Variants in SGMS2 observed in about 807,000 individuals in gnomAD.
The protein encoded by SGMS2 is sphingomyelin synthase 2.
Under a neutral mutation model 43.8 loss-of-function variants are expected in SGMS2, and 21 were observed. The ratio of observed to expected loss-of-function variants is 0.48; its 90% confidence interval spans 0.34 to 0.69. SGMS2 has a LOEUF of 0.69. Among genes scored for constraint, SGMS2 ranks in the 30% least tolerant of loss-of-function variants. SGMS2 has a pLI of 0.01. For synonymous variants in SGMS2, 167 were observed against 160.6 expected (o/e 1.04, Z -0.30); for missense variants, 384 against 443.2 (o/e 0.87, Z 1.20).
chr4:107,870,646 C>T (rs1218399305), intron 2 of SGMS2, among the ~76,000 whole-genome samples: 1 of 152,034 alleles, frequency 6.6e-6, no homozygotes, highest in East Asian at 1.9e-4. Context: ...TTTTTGGTTT[C>T]GTTTGGTTTG....
chr4:107,827,878 C>T (rs927156531), intron 1 of SGMS2, among the ~76,000 whole-genome samples: 3 of 152,004 alleles, frequency 2.0e-5, no homozygotes, highest in East Asian at 1.9e-4. Flanking sequence ...CCCAGATACT[C>T]GGGAGGCTGA....
intron 1 of SGMS2, among the ~76,000 whole-genome samples, chr4:107,838,572 A>C (rs1314413388): frequency 6.6e-6 from 1 of 152,326 alleles, no homozygotes; most frequent in African/African-American, 2.4e-5. Flanking sequence ...GTGTAATTCT[A>C]GTACAATATC....
chr4:107,911,655 A>G lies in SGMS2; in HGVS notation c.*1102A>G, dbSNP rs1317161021. 6.6e-6 allele frequency: 1 copy of G among 152,216 alleles called. No homozygotes were observed. The highest frequency in any genetic ancestry group is 2.4e-5 in the African/African-American group (1 of 41,452). 9.4% of individuals were successfully genotyped at this position (152,216 alleles called of 1,614,324 possible). ...CAGTTTCTTATAACTAGTCCTAAGG[A>G]CATATGCCGCAATTGAGTAATTTTA... On this transcript the variant is annotated 3_prime_UTR_variant, in exon 7 of 7. Coordinates refer to ENST00000690982, the MANE Select transcript of SGMS2 (RefSeq NM_001375905.1).
chr4:107,895,988 G>C lies in SGMS2; in HGVS notation c.435G>C (p.Gln145His). The C allele has an allele frequency of 6.2e-7, 1 of 1,610,924 alleles. No homozygotes were observed. Among genetic ancestry groups the C allele is most frequent in the Non-Finnish European group, 8.5e-7 (1 of 1,177,662 alleles). The change falls in exon 3 of 7, where the codon CAG becomes CAC. Residue 145 changes from glutamine (Q) to histidine (H), a missense_variant. Coordinates refer to ENST00000690982, the MANE Select transcript of SGMS2 (RefSeq NM_001375905.1). ...GIILVGLWIT[Q>H]WLFLRYKSIV... ...TATTAGTTGGATTATGGATCACCCAGTGGCTGTTTCTGAGATACAAGTAAG... is the reference window on the plus strand; with the variant it reads ...TATTAGTTGGATTATGGATCACCCACTGGCTGTTTCTGAGATACAAGTAAG...
intron 1 of SGMS2, among the ~76,000 whole-genome samples, chr4:107,851,225 C>G (rs528897137): frequency 6.6e-6 from 1 of 152,232 alleles, no homozygotes; most frequent in Admixed American, 6.5e-5. Flanking sequence ...TCATGGTACA[C>G]CTGGTGGAAG....
intron 1 of SGMS2, among the ~76,000 whole-genome samples, chr4:107,853,771 C>A (rs1432057251): frequency 6.6e-6 from 1 of 152,096 alleles, no homozygotes; most frequent in Non-Finnish European, 1.5e-5. Flanking sequence ...TGGAAAGAGA[C>A]AAGTAAATCT....
chr4:107,914,993 T>C lies in SGMS2; in HGVS notation c.*4440T>C, dbSNP rs932441730. 1.3e-5 allele frequency: 2 copies of C among 152,208 alleles called. No individual in the cohort carries two copies. Among genetic ancestry groups the C allele is most frequent in the African/African-American group, 4.8e-5 (2 of 41,466 alleles). The allele number at this position is 152,208 out of a possible 1,614,324, so 9.4% of individuals were successfully genotyped here. A position where few individuals can be genotyped will look rare whatever the true frequency, so the allele number is the denominator to read the frequency against. Reference sequence around the variant, plus strand: ...GCTTTTTAAAAAATGCAAGAGCCTATACTTTGTATTTACCTAATAAACCAC... The same window carrying C: ...GCTTTTTAAAAAATGCAAGAGCCTACACTTTGTATTTACCTAATAAACCAC... On this transcript the variant is annotated 3_prime_UTR_variant, in exon 7 of 7. Coordinates refer to ENST00000690982, the MANE Select transcript of SGMS2 (RefSeq NM_001375905.1).
At chr4:107,870,142 GC>G (rs942161891) in intron 2 of SGMS2, among the ~76,000 whole-genome samples, 4 of 152,082 alleles carry the variant, frequency 2.6e-5, no homozygotes, top group African/African-American at 9.7e-5. Context: ...AACTATATCA[GC>G]CTTTTATTTA....
intron 2 of SGMS2, among the ~76,000 whole-genome samples, chr4:107,872,787 A>G (rs1224393048): frequency 6.6e-6 from 1 of 152,216 alleles, no homozygotes; most frequent in Non-Finnish European, 1.5e-5. Context: ...TGTTCCATGT[A>G]GTATCACCCT....
In SGMS2 at chr4:107,912,164, A is replaced by G. The variant is rs1251109265; in HGVS notation, c.*1611A>G. On this transcript the variant is annotated 3_prime_UTR_variant, in exon 7 of 7. Coordinates refer to ENST00000690982, the MANE Select transcript of SGMS2 (RefSeq NM_001375905.1). ...CAATGCAAATCGTTCAGAAGGGTCA[A>G]CATCCTTTGGTGCTAAAATCTTGTG... 6.6e-6 allele frequency: 1 copy of G among 152,206 alleles called. No homozygotes were observed. The highest frequency in any genetic ancestry group is 1.5e-5 in the Non-Finnish European group (1 of 68,042). The allele number at this position is 152,206 out of a possible 1,614,324, so 9.4% of individuals were successfully genotyped here. A position where few individuals can be genotyped will look rare whatever the true frequency, so the allele number is the denominator to read the frequency against.
At chr4:107,827,095 CAGTG>C (rs1047122627) in intron 1 of SGMS2, among the ~76,000 whole-genome samples, 54 of 152,106 alleles carry the variant, frequency 3.6e-4, no homozygotes, top group African/African-American at 1.2e-3. Flanking sequence ...AATGGAGTAT[CAGTG>C]AGAACTTTTT....
chr4:107,841,687 AG>A, intron 1 of SGMS2, among the ~76,000 whole-genome samples: 1 of 152,012 alleles, frequency 6.6e-6, no homozygotes, highest in East Asian at 1.9e-4. Flanking sequence ...TTTAAGAGAC[AG>A]GGTCTCACTA....
At chr4:107,910,178 G>T (rs1731996196) in intron 6 of SGMS2, among the ~76,000 whole-genome samples, 172 bp from the exon 7 acceptor site, 1 of 152,146 alleles carries the variant, frequency 6.6e-6, no homozygotes, top group African/African-American at 2.4e-5. Context: ...ACCTAGGTGT[G>T]TTAGGGGAGC....
chr4:107,833,934 GCA>G (rs1726032111), intron 1 of SGMS2, among the ~76,000 whole-genome samples: 1 of 152,216 alleles, frequency 6.6e-6, no homozygotes, highest in Non-Finnish European at 1.5e-5. Flanking sequence ...GCCAAGGAAT[GCA>G]CACAGTCTCC....
In SGMS2 at chr4:107,838,171, C is replaced by T. The variant is rs561597267; in HGVS notation, c.-327+12918C>T. On this transcript the variant is annotated intron_variant, in intron 1 of 6. Transcript: ENST00000690982. ...TAACCAATGAGGAGGACCGAAAGAACAATGTCCCAGATGCTACAGGAACCA... is the reference window on the plus strand; with the variant it reads ...TAACCAATGAGGAGGACCGAAAGAATAATGTCCCAGATGCTACAGGAACCA... 3.9e-5 allele frequency among the ~76,000 whole-genome samples: 6 copies of T among 152,260 alleles called. No homozygotes were observed. The South Asian group carries it at 8.3e-4, about 21-fold the overall frequency.
At chr4:107,896,547 G>C (rs146784323) in intron 3 of SGMS2, among the ~76,000 whole-genome samples, 4 of 152,182 alleles carry the variant, frequency 2.6e-5, no homozygotes, top group African/African-American at 7.2e-5. Flanking sequence ...TTTTTTGTTT[G>C]CTTGCTATCT....
chr4:107,885,779 A>G (rs1729700935), intron 2 of SGMS2, among the ~76,000 whole-genome samples: 2 of 152,224 alleles, frequency 1.3e-5, no homozygotes, highest in Non-Finnish European at 2.9e-5. Context: ...AATTAAAAAC[A>G]CAGTATCCTT....
chr4:107,843,507 C>T (rs186721238), intron 1 of SGMS2, among the ~76,000 whole-genome samples: 239 of 152,236 alleles, frequency 1.6e-3, no homozygotes, highest in Middle Eastern at 3.4e-3. Context: ...TGCTTGTCAA[C>T]AAAGAGAAGC....
chr4:107,856,261 C>T (rs1336504405), intron 1 of SGMS2, among the ~76,000 whole-genome samples: 1 of 152,072 alleles, frequency 6.6e-6, no homozygotes, highest in Non-Finnish European at 1.5e-5. Flanking sequence ...TTATAAGATA[C>T]TATTTAAAAT....
Sources: gnomAD v4.1 joint callset for allele counts (sites outside exome capture counted in the v4.1 genomes callset) on GRCh38, gnomAD v4.1.1 for gene constraint, MANE v1.5 for transcripts, NCBI Gene and HGNC (gene_info 2026-07-23, HGNC 2026-07-21) for gene names.